The following FHIT variants were observed in gnomAD, a reference collection of about 807,000 sequenced individuals.
FHIT encodes bis(5'-adenosyl)-triphosphatase.
FHIT carries 19 observed loss-of-function variants against 17.9 expected under a neutral mutation model. The ratio of observed to expected loss-of-function variants is 1.06; its 90% CI spans 0.74 to 1.56. The LOEUF (loss-of-function observed/expected upper bound fraction) is 1.56, where lower values mean the gene tolerates loss of function less well. FHIT is among the 40% of genes most tolerant of loss of function. The pLI, the probability that FHIT is intolerant of heterozygous loss-of-function variation, is 0.00. For synonymous variants in FHIT, 81 were observed against 69.7 expected, an observed-to-expected ratio of 1.16 and a Z score of -0.81; for missense variants, 248 against 189.2, an observed-to-expected ratio of 1.31 and a Z score of -1.82.
intron 8 of FHIT, among the ~76,000 whole-genome samples, chr3:59,788,689 C>G (rs527909978): frequency 6.6e-6 from 1 of 152,182 alleles, no homozygotes; most frequent in South Asian, 2.1e-4. Context: ...AGCCCAGGGC[C>G]TGGCTCACAG....
At chr3:61,103,809 T>C (rs2035908882) in intron 2 of FHIT, among the ~76,000 whole-genome samples, 1 of 152,228 alleles carries the variant, frequency 6.6e-6, no homozygotes, top group African/African-American at 2.4e-5. Flanking sequence ...CATTATGTAA[T>C]GGCTTTCTTT....
intron 5 of FHIT, among the ~76,000 whole-genome samples, chr3:60,019,261 T>C (rs922995822): frequency 6.6e-5 from 10 of 152,262 alleles, no homozygotes; most frequent in Middle Eastern, 3.4e-3. Flanking sequence ...GGTAGAGATA[T>C]TCTGTCTTCT....
chr3:61,140,337 G>C (rs1408510805), intron 2 of FHIT, among the ~76,000 whole-genome samples: 1 of 152,194 alleles, frequency 6.6e-6, no homozygotes, highest in Non-Finnish European at 1.5e-5. Flanking sequence ...TAAGTAAGGA[G>C]ACTCTTTAGC....
chr3:60,853,357 T>C (rs571644848), intron 3 of FHIT, among the ~76,000 whole-genome samples: 1 of 152,262 alleles, frequency 6.6e-6, no homozygotes, highest in South Asian at 2.1e-4. Context: ...AATAGACTTT[T>C]CAAAATCGCT....
intron 4 of FHIT, among the ~76,000 whole-genome samples, chr3:60,774,515 G>A (rs1387973186): frequency 4.6e-5 from 7 of 152,066 alleles, no homozygotes; most frequent in African/African-American, 1.7e-4. Context: ...TGACCAGGCT[G>A]GTCTCGAACT....
intron 7 of FHIT, among the ~76,000 whole-genome samples, chr3:59,999,718 G>A (rs561295719): frequency 2.0e-5 from 3 of 152,110 alleles, no homozygotes; most frequent in African/African-American, 7.2e-5. Flanking sequence ...AGTGATTCTT[G>A]TGCCTCAGCC....
Position 61,179,008 on chromosome 3 carries a change from C to CTTTTTTTTTT in FHIT, c.-164+21599_-164+21608dup, listed in dbSNP as rs778191387. On this transcript the variant is annotated intron_variant, in intron 2 of 9. Coordinates refer to ENST00000492590, the MANE Select transcript of FHIT (RefSeq NM_002012.4). Reference sequence around the variant, plus strand: ...GCCTACATTATTTCTTTTTCTTTTTCTTTTTTTTTTTTTTTTTTTTGAGAC... The same window carrying CTTTTTTTTTT: ...GCCTACATTATTTCTTTTTCTTTTTCTTTTTTTTTTTTTTTTTTTTTTTTTTTTTTGAGAC... Among the ~76,000 whole-genome samples, 28 of 127,624 alleles carry CTTTTTTTTTT rather than the reference C, an allele frequency of 2.2e-4. No homozygotes were observed. The East Asian group carries it at 2.5e-3, about 12-fold the overall frequency. 83.7% of individuals were successfully genotyped at this position (127,624 alleles called of 152,430 possible).
At chr3:59,906,362 C>T (rs909612627) in intron 8 of FHIT, among the ~76,000 whole-genome samples, 1 of 152,182 alleles carries the variant, frequency 6.6e-6, no homozygotes, top group Non-Finnish European at 1.5e-5. Flanking sequence ...AAATTAAATG[C>T]ATTTTTAAGC....
Position 61,022,762 on chromosome 3 carries a change from G to T in FHIT, c.-111+19285C>A, listed in dbSNP as rs548988199. On this transcript the variant is annotated intron_variant, in intron 3 of 9. Transcript: ENST00000492590. ...CAAAAACCACATGATTAACTCAATAGATGCAGAAAAGGCCTTCAATAAAAT... is the reference window on the plus strand; with the variant it reads ...CAAAAACCACATGATTAACTCAATATATGCAGAAAAGGCCTTCAATAAAAT... Among the ~76,000 whole-genome samples, 4 of 152,272 alleles carry T rather than the reference G, an allele frequency of 2.6e-5. No individual in the cohort carries two copies. The South Asian group carries it at 8.3e-4, about 32-fold the overall frequency.
chr3:59,885,122 C>T (rs1459587933), intron 8 of FHIT, among the ~76,000 whole-genome samples: 1 of 152,088 alleles, frequency 6.6e-6, no homozygotes, highest in Non-Finnish European at 1.5e-5. Flanking sequence ...TATTATCACC[C>T]TTATGGCGCA....
intron 5 of FHIT, among the ~76,000 whole-genome samples, chr3:60,477,971 G>C (rs896574996): frequency 1.3e-5 from 2 of 152,160 alleles, no homozygotes; most frequent in African/African-American, 4.8e-5. Flanking sequence ...ATACCATAGA[G>C]AAGCGTGGAG....
chr3:59,786,227 A>G (rs1699283774), intron 8 of FHIT, among the ~76,000 whole-genome samples: 1 of 152,156 alleles, frequency 6.6e-6, no homozygotes, highest in African/African-American at 2.4e-5. Context: ...CAGAGACAAA[A>G]GAGTTAATAA....
chr3:60,904,481 AAAAAAAAAAAG>A (rs1359335987), intron 3 of FHIT, among the ~76,000 whole-genome samples: 28 of 14,538 alleles, frequency 1.9e-3, no homozygotes, highest in African/African-American at 3.9e-3. Flanking sequence ...ATCCAAATGC[AAAAAAAAAAAG>A]AAAAAAAAAA....
intron 5 of FHIT, among the ~76,000 whole-genome samples, chr3:60,425,992 T>A (rs555898879): frequency 6.6e-6 from 1 of 152,188 alleles, no homozygotes; most frequent in Non-Finnish European, 1.5e-5. Flanking sequence ...TGCACAGCAA[T>A]AACAATACAA....
At chr3:60,415,426 C>A (rs765234697) in intron 5 of FHIT, among the ~76,000 whole-genome samples, 4 of 152,094 alleles carry the variant, frequency 2.6e-5, no homozygotes, top group African/African-American at 7.2e-5. Flanking sequence ...GATTGCTAAC[C>A]TTTGTGAAGC....
intron 7 of FHIT, among the ~76,000 whole-genome samples, chr3:59,941,744 G>T (rs1706530435): frequency 6.6e-6 from 1 of 152,158 alleles, no homozygotes; most frequent in Non-Finnish European, 1.5e-5. Context: ...AGGGACCCAG[G>T]AGAGGAAGGT....
intron 5 of FHIT, among the ~76,000 whole-genome samples, chr3:60,314,492 TGAGAA>T (rs1445897048): frequency 3.9e-5 from 6 of 152,148 alleles, no homozygotes; most frequent in Admixed American, 3.9e-4. Flanking sequence ...AAAAGGAAAC[TGAGAA>T]GAGAAGTATG....
intron 4 of FHIT, among the ~76,000 whole-genome samples, chr3:60,599,806 G>A (rs566198688): frequency 9.2e-5 from 14 of 151,886 alleles, no homozygotes; most frequent in Admixed American, 2.0e-4. Context: ...AACAGCTATC[G>A]TTCTTGCCCA....
intron 2 of FHIT, among the ~76,000 whole-genome samples, chr3:61,072,754 G>A (rs2034846076): frequency 6.6e-6 from 1 of 152,050 alleles, no homozygotes; most frequent in Admixed American, 6.6e-5. Context: ...AGGATCGTAA[G>A]TGATACAAAA....
Sources: allele counts gnomAD v4.1 joint callset (sites outside exome capture counted in the v4.1 genomes callset), GRCh38; gene constraint gnomAD v4.1.1; transcripts MANE v1.5; gene names NCBI Gene and HGNC (gene_info 2026-07-23, HGNC 2026-07-21).